ASTN1: variants seen among roughly 807,000 people sequenced by gnomAD.
The protein encoded by ASTN1 is astrotactin-1.
A neutral mutation model predicts 140.7 loss-of-function variants in ASTN1; 41 were observed. That is an observed-to-expected ratio of 0.29 (90% CI 0.23 to 0.38). The LOEUF (loss-of-function observed/expected upper bound fraction) is 0.38, where lower values mean the gene tolerates loss of function less well. Ranked by LOEUF, ASTN1 falls within the 10% of genes least tolerant of loss-of-function variation. ASTN1 has a pLI of 1.00. For synonymous variants in ASTN1, 640 were observed against 652.2 expected (o/e 0.98, Z 0.29); for missense variants, 1,479 against 1,678.8 (o/e 0.88, Z 2.08).
chr1:177,080,049 T>A (rs1679101607), intron 1 of ASTN1, among the ~76,000 whole-genome samples: 2 of 152,176 alleles, frequency 1.3e-5, no homozygotes, highest in Admixed American at 1.3e-4. Context: ...TGTCAACAGC[T>A]GGTAGCTGTT....
At chr1:177,114,806 T>C (rs1369365758) in intron 1 of ASTN1, among the ~76,000 whole-genome samples, 9 of 152,192 alleles carry the variant, frequency 5.9e-5, no homozygotes, top group Non-Finnish European at 1.5e-5. Flanking sequence ...TGTCCTAATT[T>C]TGGTGGCCAC....
At chr1:176,867,449 G>A (rs930449520) in intron 22 of ASTN1, among the ~76,000 whole-genome samples, 2 of 152,104 alleles carry the variant, frequency 1.3e-5, no homozygotes. Flanking sequence ...TAAAGATAGA[G>A]TATGAAGTGA....
At chr1:176,908,479 T>C (rs760848621) in intron 16 of ASTN1, among the ~76,000 whole-genome samples, 75 of 152,274 alleles carry the variant, frequency 4.9e-4, no homozygotes, top group Non-Finnish European at 8.7e-4. Flanking sequence ...GCAGAGGCTA[T>C]AGCATATCAT....
intron 1 of ASTN1, among the ~76,000 whole-genome samples, chr1:177,066,302 T>C (rs1169485613): frequency 6.6e-6 from 1 of 152,170 alleles, no homozygotes; most frequent in African/African-American, 2.4e-5. Flanking sequence ...GCATGGTTTC[T>C]AAGAAAGATA....
chr1:177,029,745 T>C lies in ASTN1; in HGVS notation c.1013-4A>G, dbSNP rs1211789237. 2 of 1,608,542 alleles carry C rather than the reference T, an allele frequency of 1.2e-6. No homozygotes were observed. Among genetic ancestry groups the C allele is most frequent in the African/African-American group, 2.7e-5 (2 of 74,836 alleles). The stretch of plus-strand genomic sequence containing the variant: ...GGGTTCAAGAAGGCGGAACCAGCTG[T>C]AATGAAAGCAGCATGGTCAAGAAAG... On this transcript the variant is annotated splice_polypyrimidine_tract_variant and splice_region_variant and intron_variant, in intron 4 of 22. Coordinates refer to ENST00000361833, the MANE Select transcript of ASTN1 (RefSeq NM_004319.3).
At chr1:177,137,939 G>A (rs1173927781) in intron 1 of ASTN1, among the ~76,000 whole-genome samples, 1 of 152,216 alleles carries the variant, frequency 6.6e-6, no homozygotes, top group African/African-American at 2.4e-5. Context: ...TTCAGAATGA[G>A]GTTAAAATAT....
intron 8 of ASTN1, among the ~76,000 whole-genome samples, chr1:177,006,342 C>A (rs1427907535): frequency 1.3e-5 from 2 of 151,374 alleles, no homozygotes; most frequent in East Asian, 1.9e-4. Context: ...AAGAAACATG[C>A]CAAAATCGTA....
chr1:177,095,041 G>C (rs1169844733), intron 1 of ASTN1, among the ~76,000 whole-genome samples: 1 of 152,188 alleles, frequency 6.6e-6, no homozygotes. Flanking sequence ...AATTGTGTTC[G>C]TGTCCCAGTA....
chr1:176,870,923 C>T (rs4652197), intron 21 of ASTN1, among the ~76,000 whole-genome samples: 8,192 of 152,166 alleles, frequency 0.054, 280 homozygotes, highest in African/African-American at 0.097. Flanking sequence ...TACGAATGTG[C>T]CTGTTTTATA....
At chr1:176,995,785 T>G (rs527584515) in intron 8 of ASTN1, among the ~76,000 whole-genome samples, 2 of 152,106 alleles carry the variant, frequency 1.3e-5, no homozygotes, top group African/African-American at 2.4e-5. Flanking sequence ...GAGGAAGGAC[T>G]TGGGGATAAA....
At chr1:177,049,442 A>AT (rs1166662878) in intron 2 of ASTN1, among the ~76,000 whole-genome samples, 2 of 152,224 alleles carry the variant, frequency 1.3e-5, no homozygotes, top group Admixed American at 6.5e-5. Flanking sequence ...AAATATTCAG[A>AT]TAATACTAAC....
intron 2 of ASTN1, among the ~76,000 whole-genome samples, chr1:177,058,863 A>G (rs985399974): frequency 1.3e-5 from 2 of 151,394 alleles, no homozygotes; most frequent in African/African-American, 4.9e-5. Context: ...ACACTTCTCT[A>G]GAAAACTTAT....
chr1:176,978,632 T>A, intron 8 of ASTN1, among the ~76,000 whole-genome samples: 1 of 151,570 alleles, frequency 6.6e-6, no homozygotes, highest in African/African-American at 2.4e-5. Context: ...TGTGTGGGGG[T>A]AAGGGGAGGG....
chr1:177,057,847 G>A (rs7548151), intron 2 of ASTN1, among the ~76,000 whole-genome samples: 20,547 of 152,106 alleles, frequency 0.14, 1,755 homozygotes, highest in African/African-American at 0.24. Flanking sequence ...TCTGGCTTTT[G>A]TAATGCTGTC....
At chr1:177,113,735 C>T (rs906604108) in intron 1 of ASTN1, among the ~76,000 whole-genome samples, 7 of 152,164 alleles carry the variant, frequency 4.6e-5, no homozygotes, top group Non-Finnish European at 1.0e-4. Context: ...CAAGTCTCGC[C>T]ACAGGATTCA....
At chr1:176,867,959 TTTCCTTCC>T (rs373950628) in intron 22 of ASTN1, among the ~76,000 whole-genome samples, 1 of 151,524 alleles carries the variant, frequency 6.6e-6, no homozygotes, top group Admixed American at 6.6e-5. Context: ...TGCTTCCTTC[TTTCCTTCC>T]TTCCTTTTAA....
intron 14 of ASTN1, 21 bp from the exon 15 acceptor site, chr1:176,936,391 AGCT>A (rs1671449327): frequency 6.3e-7 from 1 of 1,588,998 alleles, no homozygotes; most frequent in Admixed American, 1.7e-5. Context: ...AAGAGATGTA[AGCT>A]GAGTTCTGAT....
intron 2 of ASTN1, among the ~76,000 whole-genome samples, chr1:177,044,460 G>T (rs1677124349): frequency 6.6e-6 from 1 of 152,198 alleles, no homozygotes; most frequent in Non-Finnish European, 1.5e-5. Flanking sequence ...GTTCCCAGCA[G>T]AACAGCCAAA....
chr1:177,076,375 C>T (rs907141419), intron 1 of ASTN1, among the ~76,000 whole-genome samples: 1 of 151,608 alleles, frequency 6.6e-6, no homozygotes, highest in East Asian at 1.9e-4. Context: ...AGAAGCAAGC[C>T]AGAAAACCTA....
Sources: allele counts gnomAD v4.1 joint callset (sites outside exome capture counted in the v4.1 genomes callset), GRCh38; gene constraint gnomAD v4.1.1; transcripts MANE v1.5; gene names NCBI Gene and HGNC (gene_info 2026-07-23, HGNC 2026-07-21).